The following CLUL1 variants were observed in gnomAD, a reference collection of about 807,000 sequenced individuals.
CLUL1 encodes the protein clusterin like 1.
A neutral mutation model predicts 49.4 loss-of-function variants in CLUL1; 43 were observed. That is an observed-to-expected ratio of 0.87 (90% CI 0.68 to 1.12). CLUL1 has a LOEUF of 1.12. Among genes scored for constraint, CLUL1 ranks in the 50% most tolerant of loss-of-function variants. The pLI, the probability that CLUL1 is intolerant of heterozygous loss-of-function variation, is 0.00. For synonymous variants in CLUL1, 192 were observed against 184.9 expected (o/e 1.04, Z -0.31); for missense variants, 486 against 544.4 (o/e 0.89, Z 1.07).
At chr18:600,513 A>T (rs2072796649) in intron 1 of CLUL1, among the ~76,000 whole-genome samples, 1 of 149,902 alleles carries the variant, frequency 6.7e-6, no homozygotes, top group East Asian at 1.9e-4. Context: ...TATTAGAACA[A>T]GGGATTTGCA....
chr18:597,150 C>G (rs947321044), intron 1 of CLUL1, 21 bp downstream of exon 1: 1 of 152,866 alleles, frequency 6.5e-6, no homozygotes, highest in African/African-American at 2.4e-5. Flanking sequence ...CCTCCGGGCC[C>G]CAGATTTCTC....
chr18:613,070 GA>G, intron 2 of CLUL1: 1 of 341,430 alleles, frequency 2.9e-6, no homozygotes, highest in Non-Finnish European at 5.3e-6. Context: ...TCTTTTTCAT[GA>G]AAGGATTTGA....
chr18:624,786 C>G (rs2144040711), intron 4 of CLUL1, 79 bp from the exon 5 acceptor site: 1 of 1,390,738 alleles, frequency 7.2e-7, no homozygotes, highest in East Asian at 2.3e-5. Context: ...AGAATGTATA[C>G]ATTTCAAAGG....
chr18:626,917 A>AAG (rs878888852), intron 5 of CLUL1, among the ~76,000 whole-genome samples, 180 bp from the exon 6 acceptor site: 1 of 1,046 alleles, frequency 9.6e-4, no homozygotes, highest in African/African-American at 1.0e-3. Context: ...GAAAGAAAGA[A>AAG]AGAAAGAAAG....
At position 636,624 on chromosome 18, in the gene CLUL1, C is replaced by CTTTTT. The variant is rs68150473; in HGVS notation, c.994+3204_994+3208dup. Among the ~76,000 whole-genome samples, 60 of 122,042 alleles carry CTTTTT rather than the reference C, an allele frequency of 4.9e-4. 3 individuals are homozygous for CTTTTT. Among genetic ancestry groups the CTTTTT allele is most frequent in the Non-Finnish European group, 6.0e-4 (36 of 60,208 alleles). The allele number at this position is 122,042 out of a possible 152,430, so 80.1% of individuals were successfully genotyped here. A position where few individuals can be genotyped will look rare whatever the true frequency, so the allele number is the denominator to read the frequency against. ...AGAGTCGACAACACTCCCTTTCTCT[C>CTTTTT]TTTTTTTTTTTTTTTTTTTGTGCCA... On this transcript the variant is annotated intron_variant, in intron 7 of 9. Transcript: ENST00000692774.
intron 2 of CLUL1, among the ~76,000 whole-genome samples, chr18:617,709 T>C (rs1198448236): frequency 2.6e-5 from 4 of 152,128 alleles, no homozygotes; most frequent in African/African-American, 9.7e-5. Flanking sequence ...TGAGAGGATG[T>C]GATCTATCCT....
chr18:620,613 G>A (rs1183821999), intron 4 of CLUL1, among the ~76,000 whole-genome samples: 1 of 152,154 alleles, frequency 6.6e-6, no homozygotes, highest in African/African-American at 2.4e-5. Flanking sequence ...CATCTCAAGA[G>A]AGTACCATGT....
Position 627,272 on chromosome 18 carries a change from A to C in CLUL1, c.599A>C (p.Asn200Thr). The C allele has an allele frequency of 6.2e-7, 1 of 1,614,064 alleles. No homozygotes were observed. The highest frequency in any genetic ancestry group is 8.5e-7 in the Non-Finnish European group (1 of 1,180,010). Reference sequence around the variant, plus strand: ...AATTCTCTCTTTAACAGGAGTTTTAACGTCTTCAGACAGATGCAGCAAGAG... The same window carrying C: ...AATTCTCTCTTTAACAGGAGTTTTACCGTCTTCAGACAGATGCAGCAAGAG... ...DVNSLFNRSF[N>T]VFRQMQQEFD... The change falls in exon 6 of 10, where the codon AAC becomes ACC. Residue 200 changes from asparagine (N) to threonine (T), a missense_variant. Asn to Thr is a moderately conservative substitution (Grantham distance 65, BLOSUM62 0). Coordinates refer to ENST00000692774, the MANE Select transcript of CLUL1 (RefSeq NM_001393344.1).
chr18:618,051 C>T lies in CLUL1; in HGVS notation c.51C>T (p.Asp17=), dbSNP rs765102691. ...TTGTGTGTCTGCTGTGGTTGAAAGACAGTCACTGCGCACCCACTTGGAAGG... is the reference window on the plus strand; with the variant it reads ...TTGTGTGTCTGCTGTGGTTGAAAGATAGTCACTGCGCACCCACTTGGAAGG... ...VFIVCLLWLK[D]SHCAPTWKDK... Residue 17 remains aspartate, a synonymous_variant, in exon 3 of 10, where the codon GAC becomes GAT. Coordinates refer to ENST00000692774, the MANE Select transcript of CLUL1 (RefSeq NM_001393344.1). The surrounding 1 kb of genome is among the most constrained non-coding windows in gnomAD (Gnocchi z 4.2). The T allele has an allele frequency of 1.9e-6, 3 of 1,614,178 alleles. No homozygotes were observed. The highest frequency in any genetic ancestry group is 2.2e-5 in the East Asian group (1 of 44,890).
At chr18:598,908 C>T (rs1256934974) in intron 1 of CLUL1, among the ~76,000 whole-genome samples, 30 of 152,158 alleles carry the variant, frequency 2.0e-4, no homozygotes, top group Non-Finnish European at 1.5e-5. Context: ...TTCTGATTTA[C>T]TAAACTTTAA....
intron 2 of CLUL1, chr18:614,513 C>T (rs2073236701): frequency 6.6e-6 from 1 of 152,096 alleles, no homozygotes; most frequent in South Asian, 2.1e-4. Context: ...TTCAGTGGGC[C>T]AGAGGAGGAG....
intron 5 of CLUL1, among the ~76,000 whole-genome samples, chr18:626,829 C>G (rs1490584606): frequency 7.1e-6 from 1 of 141,552 alleles, no homozygotes; most frequent in Non-Finnish European, 1.5e-5. Context: ...CCATTGCACT[C>G]CAGCCTGAGT....
At chr18:615,739 C>T (rs373860984) in intron 2 of CLUL1, among the ~76,000 whole-genome samples, 35 of 152,182 alleles carry the variant, frequency 2.3e-4, no homozygotes, top group Admixed American at 1.6e-3. Flanking sequence ...AATAATAGTT[C>T]GAGTTTTGCT....
chr18:636,570 C>T (rs2074141065), intron 7 of CLUL1, among the ~76,000 whole-genome samples: 1 of 149,520 alleles, frequency 6.7e-6, no homozygotes, highest in Admixed American at 6.7e-5. Context: ...TAAATTAGAT[C>T]ATTATTCGAG....
chr18:639,928 A>G (rs2074292712), intron 7 of CLUL1, among the ~76,000 whole-genome samples: 1 of 152,160 alleles, frequency 6.6e-6, no homozygotes, highest in Admixed American at 6.5e-5. Flanking sequence ...TCAAGCAGAG[A>G]CAGAATGCTG....
At chr18:620,783 C>A (rs1245726993) in intron 4 of CLUL1, among the ~76,000 whole-genome samples, 1 of 152,110 alleles carries the variant, frequency 6.6e-6, no homozygotes, top group Non-Finnish European at 1.5e-5. Flanking sequence ...GTATAAAGTT[C>A]AGTAAATTTC....
chr18:626,598 C>T (rs1598426533), intron 5 of CLUL1, among the ~76,000 whole-genome samples: 2 of 151,692 alleles, frequency 1.3e-5, no homozygotes, highest in South Asian at 2.1e-4. Flanking sequence ...GTGGCTCACC[C>T]CTGTTATCCT....
chr18:598,580 C>T, intron 1 of CLUL1: 1 of 398,598 alleles, frequency 2.5e-6, no homozygotes, highest in Non-Finnish European at 4.4e-6. Flanking sequence ...ATTTACAACA[C>T]TGGTGAGCAG....
intron 2 of CLUL1, among the ~76,000 whole-genome samples, chr18:610,740 CAG>C (rs1375799002): frequency 6.6e-6 from 1 of 152,150 alleles, no homozygotes; most frequent in Non-Finnish European, 1.5e-5. Flanking sequence ...AATACCGTAA[CAG>C]AGATGAATCC....
Sources: allele counts gnomAD v4.1 joint callset (sites outside exome capture counted in the v4.1 genomes callset), GRCh38; gene constraint gnomAD v4.1.1; non-coding constraint Gnocchi (gnomAD v3.1); transcripts MANE v1.5; gene names NCBI Gene and HGNC (gene_info 2026-07-23, HGNC 2026-07-21).